The following TNFSF4 variants were observed in gnomAD, a reference collection of about 807,000 sequenced individuals.
TNFSF4 encodes the protein TNF superfamily member 4, also known as tumor necrosis factor ligand superfamily member 4.
TNFSF4 carries 4 observed loss-of-function variants against 7.3 expected under a neutral mutation model. The ratio of observed to expected loss-of-function variants is 0.55; its 90% confidence interval spans 0.27 to 1.25. The LOEUF (loss-of-function observed/expected upper bound fraction) is 1.25, where lower values mean the gene tolerates loss of function less well. Among genes scored for constraint, TNFSF4 ranks in the 50% most tolerant of loss-of-function variants. The pLI, the probability that TNFSF4 is intolerant of heterozygous loss-of-function variation, is 0.12. For missense variants in TNFSF4, 181 were observed against 208.8 expected (o/e 0.87, Z 0.82); for synonymous variants, 76 against 83.7 (o/e 0.91, Z 0.50).
chr1:173,376,758 C>A, the TNFSF4 span, among the ~76,000 whole-genome samples: 6 of 152,344 alleles, frequency 3.9e-5, no homozygotes, highest in Non-Finnish European at 7.3e-5. Flanking sequence ...GCAACCAGCT[C>A]AGGTCCCCTT....
the TNFSF4 span, among the ~76,000 whole-genome samples, chr1:173,280,696 A>C: frequency 1.3e-5 from 2 of 152,182 alleles, no homozygotes; most frequent in Non-Finnish European, 2.9e-5. Context: ...CTTTAAAGCA[A>C]ATAATATAAT....
chr1:173,361,463 G>A, the TNFSF4 span, among the ~76,000 whole-genome samples: 6 of 152,072 alleles, frequency 3.9e-5, no homozygotes, highest in East Asian at 1.9e-4. Context: ...GCTGGGCGTG[G>A]TGGCATGCAC....
At chr1:173,295,747 A>T in the TNFSF4 span, among the ~76,000 whole-genome samples, 1 of 152,002 alleles carries the variant, frequency 6.6e-6, no homozygotes, top group Non-Finnish European at 1.5e-5. Flanking sequence ...TGAGCTATCT[A>T]TTTGTAAACT....
At chr1:173,183,469 A>C (rs770402225), downstream of TNFSF4, among the ~76,000 whole-genome samples, 5 of 152,194 alleles carry the variant, frequency 3.3e-5, no homozygotes, top group African/African-American at 1.2e-4. Flanking sequence ...TGAGGAAAGG[A>C]AAAACAGTAC....
At chr1:173,387,337 G>C in the TNFSF4 span, among the ~76,000 whole-genome samples, 1 of 152,092 alleles carries the variant, frequency 6.6e-6, no homozygotes, top group African/African-American at 2.4e-5. Flanking sequence ...TTCATAAAAG[G>C]GCTAGAGGGA....
chr1:173,295,261 C>T, the TNFSF4 span, among the ~76,000 whole-genome samples: 2 of 151,984 alleles, frequency 1.3e-5, no homozygotes, highest in Non-Finnish European at 2.9e-5. Context: ...GAAATGCAAA[C>T]ACATTTTCAC....
At chr1:173,343,548 C>A in the TNFSF4 span, among the ~76,000 whole-genome samples, 2 of 152,286 alleles carry the variant, frequency 1.3e-5, no homozygotes, top group African/African-American at 4.8e-5. Context: ...TCCCCTTTGC[C>A]TTCCTAACTC....
At chr1:173,271,401 G>A in the TNFSF4 span, among the ~76,000 whole-genome samples, 12 of 152,068 alleles carry the variant, frequency 7.9e-5, no homozygotes, top group African/African-American at 2.9e-4. Context: ...TATTAAATAG[G>A]GGATCCTTTC....
chr1:173,244,499 G>A, the TNFSF4 span, among the ~76,000 whole-genome samples: 14 of 151,198 alleles, frequency 9.3e-5, no homozygotes, highest in Non-Finnish European at 2.1e-4. Flanking sequence ...AAAATTAGCC[G>A]GGCGTAGTGG....
At chr1:173,205,381 G>A in intron 1 of TNFSF4, 1 of 1,609,946 alleles carries the variant, frequency 6.2e-7, no homozygotes, top group Non-Finnish European at 8.5e-7. Context: ...TCCCAGAGTT[G>A]CTGGATGACT....
rs1013673614 is a variant in TNFSF4 at position 173,185,080 on chromosome 1, G to C, written c.*1436C>G. 11 of 152,222 alleles carry C rather than the reference G, an allele frequency of 7.2e-5. No individual in the cohort carries two copies. The highest frequency in any genetic ancestry group is 1.5e-4 in the Non-Finnish European group (10 of 68,040). 9.4% of individuals were successfully genotyped at this position (152,222 alleles called of 1,614,324 possible). ...GCGAACAGCCCTCCACCTTTCTGGA[G>C]ATTCTAGAGATAATTGTAGCACAGT... On this transcript the variant is annotated 3_prime_UTR_variant, in exon 3 of 3. Transcript: ENST00000281834.
the TNFSF4 span, among the ~76,000 whole-genome samples, chr1:173,341,040 C>T: frequency 6.6e-6 from 1 of 152,066 alleles, no homozygotes; most frequent in Non-Finnish European, 1.5e-5. Flanking sequence ...GGGCTTTTCC[C>T]TGACTTAACT....
the TNFSF4 span, among the ~76,000 whole-genome samples, chr1:173,356,846 G>T: frequency 6.6e-6 from 1 of 152,098 alleles, no homozygotes; most frequent in African/African-American, 2.4e-5. Flanking sequence ...ATGTGTGGGG[G>T]GAAAAAATGA....
the TNFSF4 span, among the ~76,000 whole-genome samples, chr1:173,356,487 C>T: frequency 5.3e-5 from 8 of 152,316 alleles, no homozygotes; most frequent in Admixed American, 4.6e-4. Flanking sequence ...CCAGAAACCA[C>T]GTATCACAAG....
At chr1:173,230,638 G>C in the TNFSF4 span, among the ~76,000 whole-genome samples, 3 of 152,092 alleles carry the variant, frequency 2.0e-5, no homozygotes, top group Admixed American at 1.3e-4. Context: ...ATGAATCTAG[G>C]AGCTGGTTTT....
At chr1:173,362,833 G>A in the TNFSF4 span, 1 of 436,990 alleles carries the variant, frequency 2.3e-6, no homozygotes, top group Non-Finnish European at 4.5e-6. Flanking sequence ...TGCAAGACAA[G>A]CTGAACATTG....
chr1:173,327,544 A>G, the TNFSF4 span, among the ~76,000 whole-genome samples: 3 of 151,554 alleles, frequency 2.0e-5, no homozygotes, highest in African/African-American at 7.3e-5. Context: ...AGCAAAAGAA[A>G]CTACCATCAG....
At chr1:173,353,709 A>G in the TNFSF4 span, among the ~76,000 whole-genome samples, 1 of 152,348 alleles carries the variant, frequency 6.6e-6, no homozygotes, top group Admixed American at 6.5e-5. Flanking sequence ...GTAGAGTAAA[A>G]AAATCTGTAC....
chr1:173,177,590 AT>A, the TNFSF4 span, among the ~76,000 whole-genome samples: 5 of 152,066 alleles, frequency 3.3e-5, no homozygotes, highest in African/African-American at 9.7e-5. Flanking sequence ...CCTAAAATAA[AT>A]TTTTTTTAAA....
Sources: gnomAD v4.1 joint callset for allele counts (sites outside exome capture counted in the v4.1 genomes callset) on GRCh38, gnomAD v4.1.1 for gene constraint, MANE v1.5 for transcripts, NCBI Gene and HGNC (gene_info 2026-07-23, HGNC 2026-07-21) for gene names.